ZNRF1: variants seen among roughly 807,000 people sequenced by gnomAD.
The protein encoded by ZNRF1 is zinc and ring finger 1.
Under a neutral mutation model 18.4 loss-of-function variants are expected in ZNRF1, and 3 were observed. The ratio of observed to expected loss-of-function variants is 0.16; its 90% CI spans 0.07 to 0.42. The LOEUF (loss-of-function observed/expected upper bound fraction) is 0.42. Among genes scored for constraint, ZNRF1 ranks in the 10% least tolerant of loss-of-function variants. The pLI is 0.99. For synonymous variants in ZNRF1, 157 were observed against 144.2 expected (o/e 1.09, Z -0.64); for missense variants, 310 against 329.8 (o/e 0.94, Z 0.47).
intron 1 of ZNRF1, among the ~76,000 whole-genome samples, chr16:75,038,256 G>C (rs2035399531): frequency 6.6e-6 from 1 of 152,162 alleles, no homozygotes; most frequent in African/African-American, 2.4e-5. Flanking sequence ...TCATGACATT[G>C]TAGTCAGTGA....
Position 75,108,378 on chromosome 16 carries a change from C to T in ZNRF1, c.*678C>T, listed in dbSNP as rs959411214. On this transcript the variant is annotated 3_prime_UTR_variant, in exon 5 of 5. Transcript: ENST00000335325. The stretch of plus-strand genomic sequence containing the variant: ...TCTTTCCTCCTGGTTCCGGTCAGTT[C>T]AGAGGATTTAACAATCACAAGTGTC... 5.1e-5 allele frequency: 20 copies of T among 389,654 alleles called. No homozygotes were observed. The highest frequency in any genetic ancestry group is 9.0e-5 in the Non-Finnish European group (20 of 221,628). The allele number at this position is 389,654 out of a possible 1,614,324, so 24.1% of individuals were successfully genotyped here.
intron 1 of ZNRF1, among the ~76,000 whole-genome samples, chr16:75,066,849 A>C (rs994751377): frequency 6.6e-6 from 1 of 152,148 alleles, no homozygotes; most frequent in Non-Finnish European, 1.5e-5. Context: ...TCGTTGACTT[A>C]GAAATTCAGG....
At chr16:75,063,642 G>A (rs558863218) in intron 1 of ZNRF1, among the ~76,000 whole-genome samples, 1 of 152,340 alleles carries the variant, frequency 6.6e-6, no homozygotes, top group Non-Finnish European at 1.5e-5. Flanking sequence ...AGTTTCTAGA[G>A]TGAATGATGA....
At chr16:75,016,863 C>A (rs540699048) in intron 1 of ZNRF1, among the ~76,000 whole-genome samples, 1 of 152,026 alleles carries the variant, frequency 6.6e-6, no homozygotes. Flanking sequence ...TATTTACTAT[C>A]GTTTTGTAAT....
At chr16:75,031,180 G>A (rs1289707578) in intron 1 of ZNRF1, among the ~76,000 whole-genome samples, 4 of 150,764 alleles carry the variant, frequency 2.7e-5, no homozygotes, top group Admixed American at 6.6e-5. Flanking sequence ...TGCCCAGGCT[G>A]GAGTGAACTG....
chr16:75,037,897 T>C (rs1422387688), intron 1 of ZNRF1, among the ~76,000 whole-genome samples: 2 of 152,170 alleles, frequency 1.3e-5, no homozygotes, highest in Non-Finnish European at 2.9e-5. Flanking sequence ...ACAAAACCTT[T>C]TGCTGACAAA....
chr16:74,999,103 C>G lies in ZNRF1; in HGVS notation c.-569C>G, dbSNP rs1287579684. 6.7e-6 allele frequency: 1 copy of G among 148,418 alleles called. No homozygotes were observed. The highest frequency in any genetic ancestry group is 1.5e-5 in the Non-Finnish European group (1 of 66,636). 9.2% of individuals were successfully genotyped at this position (148,418 alleles called of 1,614,324 possible). A position where few individuals can be genotyped will look rare whatever the true frequency, so the allele number is the denominator to read the frequency against. On this transcript the variant is annotated 5_prime_UTR_variant, in exon 1 of 5. Transcript: ENST00000335325. ...GCGGCGCGGCTGGCGGGGCCGGCGG[C>G]GGCTGAAGCGAGAGCGCGACGCGAC...
chr16:75,058,489 A>G (rs2035697280), intron 1 of ZNRF1, among the ~76,000 whole-genome samples: 2 of 152,216 alleles, frequency 1.3e-5, no homozygotes. Flanking sequence ...TAAGGAGAAT[A>G]ACAGAGTAGC....
chr16:75,091,143 G>C lies in ZNRF1; in HGVS notation c.425-2429G>C, dbSNP rs79478406. Among the ~76,000 whole-genome samples the C allele has an allele frequency of 1.8e-3, 279 of 152,286 alleles. 9 individuals carry two copies. The East Asian group carries it at 0.042, about 23-fold the overall frequency. On this transcript the variant is annotated intron_variant, in intron 1 of 4. Transcript: ENST00000335325. Reference sequence around the variant, plus strand: ...GGAAGCTCAGGCAGGTAGATCATCTGAGGTCAGGCATTTGAGACCAGTCTA... The same window carrying C: ...GGAAGCTCAGGCAGGTAGATCATCTCAGGTCAGGCATTTGAGACCAGTCTA...
chr16:75,021,690 T>C (rs1001369947), intron 1 of ZNRF1, among the ~76,000 whole-genome samples: 3 of 152,228 alleles, frequency 2.0e-5, no homozygotes, highest in African/African-American at 7.2e-5. Context: ...ATTACTGCAT[T>C]TGAAAAGTCT....
chr16:75,045,933 A>C (rs1437388728), intron 1 of ZNRF1, among the ~76,000 whole-genome samples: 5 of 149,952 alleles, frequency 3.3e-5, no homozygotes, highest in Admixed American at 6.7e-5. Context: ...ATGGAGTTTC[A>C]CTCTCGTTGC....
chr16:75,011,878 A>C (rs548644076), intron 1 of ZNRF1, among the ~76,000 whole-genome samples: 77 of 152,370 alleles, frequency 5.1e-4, no homozygotes, highest in African/African-American at 1.8e-3. Flanking sequence ...ATCTCCTATG[A>C]AGTGGCAGAC....
intron 1 of ZNRF1, among the ~76,000 whole-genome samples, chr16:75,017,345 G>A (rs369098961): frequency 6.6e-6 from 1 of 152,086 alleles, no homozygotes. Context: ...TTGATTTACA[G>A]ATATAAAAAT....
intron 1 of ZNRF1, among the ~76,000 whole-genome samples, chr16:75,048,910 CCTTTT>C (rs2035552383): frequency 1.3e-5 from 2 of 152,268 alleles, no homozygotes; most frequent in Admixed American, 1.3e-4. Context: ...TAATGACTAT[CCTTTT>C]CATTTCAAGA....
At chr16:75,070,347 A>G (rs1374688092) in intron 1 of ZNRF1, among the ~76,000 whole-genome samples, 1 of 152,070 alleles carries the variant, frequency 6.6e-6, no homozygotes, top group Non-Finnish European at 1.5e-5. Context: ...ACTCCTCCCA[A>G]TCCATTTACT....
chr16:75,050,889 C>CAAAAA (rs1567478884), intron 1 of ZNRF1, among the ~76,000 whole-genome samples: 1 of 27,638 alleles, frequency 3.6e-5, no homozygotes. Context: ...AAAAAAAAAA[C>CAAAAA]AAAAAAAAAC....
intron 1 of ZNRF1, among the ~76,000 whole-genome samples, chr16:75,066,510 G>C (rs765244739): frequency 2.6e-5 from 4 of 152,124 alleles, no homozygotes; most frequent in Non-Finnish European, 5.9e-5. Flanking sequence ...TATATTCAAT[G>C]GAAGATTTTT....
intron 1 of ZNRF1, among the ~76,000 whole-genome samples, chr16:75,035,670 G>A (rs1225397431): frequency 6.6e-6 from 1 of 152,178 alleles, no homozygotes; most frequent in Non-Finnish European, 1.5e-5. Context: ...TTTGACTTGG[G>A]GTTTTATATG....
chr16:75,019,397 A>T (rs1020980155), intron 1 of ZNRF1, among the ~76,000 whole-genome samples: 1 of 152,038 alleles, frequency 6.6e-6, no homozygotes, highest in South Asian at 2.1e-4. Context: ...TGGAGTGCAA[A>T]GACATAACTG....
Sources: gnomAD v4.1 joint callset for allele counts (sites outside exome capture counted in the v4.1 genomes callset) on GRCh38, gnomAD v4.1.1 for gene constraint, MANE v1.5 for transcripts, NCBI Gene and HGNC (gene_info 2026-07-23, HGNC 2026-07-21) for gene names.